The following AK3 variants were observed in gnomAD, a reference collection of about 807,000 sequenced individuals.
AK3 encodes the protein GTP:AMP phosphotransferase AK3, mitochondrial.
Under a neutral mutation model 23.7 loss-of-function variants are expected in AK3, and 27 were observed. The observed-to-expected ratio is 1.14, with a 90% CI of 0.84 to 1.57. The LOEUF is 1.57. Among genes scored for constraint, AK3 ranks in the 40% most tolerant of loss-of-function variants. AK3 has a pLI of 0.00. For missense variants in AK3, 406 were observed against 285.6 expected (o/e 1.42, Z -3.04); for synonymous variants, 159 against 116.0 (o/e 1.37, Z -2.38).
intron 4 of AK3, among the ~76,000 whole-genome samples, chr9:4,718,022 G>A (rs538731374): frequency 4.2e-4 from 64 of 152,312 alleles, no homozygotes; most frequent in Non-Finnish European, 1.2e-4. Flanking sequence ...GTTAGTGCCA[G>A]GCATTCCCTG....
chr9:4,738,826 T>C (rs574818380), intron 1 of AK3, among the ~76,000 whole-genome samples: 1 of 147,100 alleles, frequency 6.8e-6, no homozygotes, highest in East Asian at 2.0e-4. Context: ...GCTTGGAGTG[T>C]AGTAGCACAA....
chr9:4,738,256 C>T (rs1222989548), intron 1 of AK3, among the ~76,000 whole-genome samples: 1 of 152,178 alleles, frequency 6.6e-6, no homozygotes, highest in Non-Finnish European at 1.5e-5. Flanking sequence ...ACCTCCGCCT[C>T]CCAGTTTCAA....
intron 1 of AK3, among the ~76,000 whole-genome samples, chr9:4,732,214 G>A (rs368639647): frequency 1.6e-4 from 24 of 152,258 alleles, no homozygotes; most frequent in African/African-American, 5.3e-4. Context: ...TTCCCAAAGT[G>A]CTGGAATTAC....
chr9:4,736,629 A>T (rs930769659), intron 1 of AK3, among the ~76,000 whole-genome samples: 1 of 152,046 alleles, frequency 6.6e-6, no homozygotes, highest in Non-Finnish European at 1.5e-5. Context: ...CTCCCCCATC[A>T]TATAGATGAG....
At chr9:4,722,764 A>G (rs1159069054) in intron 1 of AK3, 139 bp from the exon 2 acceptor site, 4 of 1,339,634 alleles carry the variant, frequency 3.0e-6, no homozygotes, top group Non-Finnish European at 4.1e-6. Context: ...TCTGATAAAA[A>G]CAAAGGTTAT....
chr9:4,722,425 G>C, intron 2 of AK3, 81 bp downstream of exon 2: 2 of 1,597,460 alleles, frequency 1.3e-6, no homozygotes, highest in Non-Finnish European at 8.5e-7. Flanking sequence ...CTTGACGTCT[G>C]TCTGAAGCCC....
chr9:4,741,412 G>C (rs549800332), upstream of AK3: 1 of 251,168 alleles, frequency 4.0e-6, no homozygotes, highest in East Asian at 7.5e-5. Flanking sequence ...GCCTCTCCGC[G>C]GCCCCTCTCC....
chr9:4,721,845 G>C (rs1402186199), intron 2 of AK3, among the ~76,000 whole-genome samples: 1 of 152,170 alleles, frequency 6.6e-6, no homozygotes, highest in African/African-American at 2.4e-5. Flanking sequence ...TCTTCTACTA[G>C]AATGTACTTT....
At chr9:4,735,501 AG>A (rs1842271091) in intron 1 of AK3, among the ~76,000 whole-genome samples, 1 of 80,692 alleles carries the variant, frequency 1.2e-5, no homozygotes, top group Non-Finnish European at 2.5e-5. Context: ...TTTTGGAAAC[AG>A]AGTCTCACTG....
chr9:4,714,069 C>A (rs144265857), intron 4 of AK3, among the ~76,000 whole-genome samples: 1 of 134,138 alleles, frequency 7.5e-6, no homozygotes, highest in Non-Finnish European at 1.6e-5. Flanking sequence ...CATATACACA[C>A]CTACACATAT....
chr9:4,721,518 G>A (rs1255942719), intron 2 of AK3, among the ~76,000 whole-genome samples: 1 of 151,698 alleles, frequency 6.6e-6, no homozygotes, highest in Non-Finnish European at 1.5e-5. Context: ...GGAGTGCAGT[G>A]GGGCAATCTC....
intron 1 of AK3, among the ~76,000 whole-genome samples, chr9:4,737,576 C>T (rs1300862695): frequency 6.6e-6 from 1 of 152,060 alleles, no homozygotes; most frequent in Non-Finnish European, 1.5e-5. Flanking sequence ...TAGCCAGCCA[C>T]GGTGGTGCAA....
intron 3 of AK3, 89 bp downstream of exon 3, chr9:4,719,046 G>GAC: frequency 7.7e-7 from 1 of 1,303,020 alleles, no homozygotes; most frequent in Non-Finnish European, 1.1e-6. Context: ...TTTGGTCAGA[G>GAC]GATTTCCAAG....
chr9:4,727,905 T>A (rs1287935530), intron 1 of AK3, among the ~76,000 whole-genome samples: 1 of 152,200 alleles, frequency 6.6e-6, no homozygotes, highest in African/African-American at 2.4e-5. Flanking sequence ...AATATTGTTG[T>A]GTCTCAGGGA....
At chr9:4,733,654 C>T (rs1347703371) in intron 1 of AK3, among the ~76,000 whole-genome samples, 1 of 152,188 alleles carries the variant, frequency 6.6e-6, no homozygotes, top group Non-Finnish European at 1.5e-5. Context: ...CAGGTCTACA[C>T]TCCCCTTCCC....
At chr9:4,737,801 T>C (rs1467069403) in intron 1 of AK3, among the ~76,000 whole-genome samples, 1 of 152,202 alleles carries the variant, frequency 6.6e-6, no homozygotes, top group Non-Finnish European at 1.5e-5. Flanking sequence ...CAAGTTTCAG[T>C]GATGACCTAC....
chr9:4,737,390 T>C (rs1303148536), intron 1 of AK3, among the ~76,000 whole-genome samples: 1 of 152,190 alleles, frequency 6.6e-6, no homozygotes, highest in Non-Finnish European at 1.5e-5. Context: ...ATCTATGTTT[T>C]CACCCTAATC....
At chr9:4,714,822 C>A (rs539725911) in intron 4 of AK3, among the ~76,000 whole-genome samples, 1 of 152,166 alleles carries the variant, frequency 6.6e-6, no homozygotes, top group African/African-American at 2.4e-5. Flanking sequence ...CAACTGTCAG[C>A]ATTTCTAAAT....
intron 1 of AK3, among the ~76,000 whole-genome samples, chr9:4,726,897 G>C (rs1444039228): frequency 6.6e-6 from 1 of 151,980 alleles, no homozygotes; most frequent in African/African-American, 2.4e-5. Context: ...TGATGCGTGG[G>C]CTACAGAATG....
Sources: allele counts gnomAD v4.1 joint callset (sites outside exome capture counted in the v4.1 genomes callset), GRCh38; gene constraint gnomAD v4.1.1; transcripts MANE v1.5; gene names NCBI Gene and HGNC (gene_info 2026-07-23, HGNC 2026-07-21).